The following HYAL4 variants were observed in gnomAD, a reference collection of about 807,000 sequenced individuals.
HYAL4 encodes hyaluronidase-4.
A neutral mutation model predicts 35.2 loss-of-function variants in HYAL4; 37 were observed. The observed-to-expected ratio is 1.05, with a 90% confidence interval of 0.81 to 1.38. HYAL4 has a LOEUF of 1.38. Among genes scored for constraint, HYAL4 ranks in the 40% most tolerant of loss-of-function variants. The pLI is 0.00. For synonymous variants in HYAL4, 198 were observed against 203.2 expected (o/e 0.97, Z 0.22); for missense variants, 572 against 572.4 (o/e 1.00, Z 0.01).
At chr7:123,822,652 A>G in the HYAL4 span, among the ~76,000 whole-genome samples, 67 of 152,326 alleles carry the variant, frequency 4.4e-4, no homozygotes, top group South Asian at 1.9e-3. Context: ...TTCTAGTACT[A>G]CGTTGAATAG....
In HYAL4 at chr7:123,868,992, A is replaced by G. The variant is rs1284321160; in HGVS notation, c.719A>G (p.Asp240Gly). ...APNYSGSCPE[D>G]EVLRNNELSW... ...AACTACTCTGGGTCATGCCCAGAAG[A>G]CGAAGTCTTGAGGAACAATGAGCTC... is the stretch of plus-strand genomic sequence containing the variant. Residue 240 changes from aspartate to glycine, a missense_variant, in exon 3 of 5, where the codon GAC (aspartate) becomes GGC (glycine). Coordinates refer to ENST00000223026, the MANE Select transcript of HYAL4 (RefSeq NM_012269.3). The G allele has an allele frequency of 6.2e-7, 1 of 1,613,862 alleles. No homozygotes were observed. The highest frequency in any genetic ancestry group is 2.2e-5 in the East Asian group (1 of 44,870).
At chr7:123,766,665 TTAAGTAA>T in the HYAL4 span, among the ~76,000 whole-genome samples, 1 of 152,198 alleles carries the variant, frequency 6.6e-6, no homozygotes, top group Non-Finnish European at 1.5e-5. Flanking sequence ...GATATTCTTC[TTAAGTAA>T]TAAAGGTTAA....
At chr7:123,823,069 A>G in the HYAL4 span, among the ~76,000 whole-genome samples, 4 of 152,220 alleles carry the variant, frequency 2.6e-5, no homozygotes, top group Non-Finnish European at 5.9e-5. Context: ...ATCATTGACT[A>G]TGATGTTAGC....
the HYAL4 span, among the ~76,000 whole-genome samples, chr7:123,796,891 G>A: frequency 6.6e-6 from 1 of 152,132 alleles, no homozygotes; most frequent in Non-Finnish European, 1.5e-5. Flanking sequence ...GTCCAAGATA[G>A]GCAAATCTAT....
At chr7:123,867,862 T>A (rs923011137) in intron 2 of HYAL4, among the ~76,000 whole-genome samples, 2 of 152,196 alleles carry the variant, frequency 1.3e-5, no homozygotes, top group African/African-American at 4.8e-5. Flanking sequence ...TTAAAAAAAA[T>A]ATTTACAAAG....
chr7:123,865,065 A>G (rs901044638), intron 2 of HYAL4, among the ~76,000 whole-genome samples: 1 of 152,100 alleles, frequency 6.6e-6, no homozygotes, highest in Admixed American at 6.5e-5. Flanking sequence ...GACACTGAGA[A>G]CAATAATAAC....
chr7:123,839,694 G>T lies in HYAL4; in HGVS notation c.-256-4551G>T, dbSNP rs142463953. ...TTGCCATTCTAACTGGTGTGAGATG[G>T]TATCTCATTGTAGTTGTGATTTGCA... On this transcript the variant is annotated intron_variant, in intron 1 of 4. Coordinates refer to the HYAL4 transcript ENST00000489978. 1.8e-3 allele frequency among the ~76,000 whole-genome samples: 271 copies of T among 152,266 alleles called. 7 individuals carry two copies. In the East Asian group the frequency reaches 0.044, roughly 25 times the overall value.
chr7:123,799,055 C>T, the HYAL4 span, among the ~76,000 whole-genome samples: 1 of 152,126 alleles, frequency 6.6e-6, no homozygotes, highest in Non-Finnish European at 1.5e-5. Context: ...AGGGGGCAAT[C>T]ATACAAGCAG....
At position 123,838,565 on chromosome 7, in the gene HYAL4, A is replaced by G. The variant is rs189432166; in HGVS notation, c.-256-5680A>G. ...ATGATGTCATAAACAGAAAAAAAAA[A>G]GATTCTTTCCTTCATCGTAACTTTA... On this transcript the variant is annotated intron_variant, in intron 1 of 4. Coordinates refer to the HYAL4 transcript ENST00000489978. Among the ~76,000 whole-genome samples the G allele has an allele frequency of 1.8e-3, 281 of 151,994 alleles. 1 individual carries two copies. Among genetic ancestry groups the G allele is most frequent in the Non-Finnish European group, 3.2e-3 (215 of 67,932 alleles).
chr7:123,860,455 A>G (rs1310102946), intron 2 of HYAL4, among the ~76,000 whole-genome samples: 4 of 152,178 alleles, frequency 2.6e-5, no homozygotes, highest in Admixed American at 1.3e-4. Flanking sequence ...GCAACAATCT[A>G]TACACACTTT....
At chr7:123,802,058 T>C in the HYAL4 span, among the ~76,000 whole-genome samples, 3 of 152,178 alleles carry the variant, frequency 2.0e-5, no homozygotes, top group African/African-American at 7.2e-5. Flanking sequence ...CTTTTCTGAT[T>C]GATGAGTGTG....
intron 1 of HYAL4, among the ~76,000 whole-genome samples, chr7:123,832,323 T>C (rs1805895881): frequency 6.6e-6 from 1 of 151,770 alleles, no homozygotes; most frequent in Admixed American, 6.6e-5. Flanking sequence ...GAACAGGTGG[T>C]ATTTGGTTAC....
chr7:123,782,464 A>G, the HYAL4 span, among the ~76,000 whole-genome samples: 1 of 152,156 alleles, frequency 6.6e-6, no homozygotes, highest in Non-Finnish European at 1.5e-5. Context: ...ACGGGTATTG[A>G]CATAAAATAG....
the HYAL4 span, among the ~76,000 whole-genome samples, chr7:123,771,997 C>T: frequency 6.6e-6 from 1 of 152,008 alleles, no homozygotes; most frequent in East Asian, 1.9e-4. Context: ...GACACATCAC[C>T]TTGTCTTCTC....
At chr7:123,860,687 T>C (rs988603038) in intron 2 of HYAL4, among the ~76,000 whole-genome samples, 7 of 152,298 alleles carry the variant, frequency 4.6e-5, no homozygotes, top group African/African-American at 1.7e-4. Context: ...TAGGAAGACA[T>C]TAATTTTGTC....
intron 1 of HYAL4, among the ~76,000 whole-genome samples, chr7:123,837,256 T>A (rs1262056934): frequency 6.6e-6 from 1 of 152,114 alleles, no homozygotes; most frequent in Non-Finnish European, 1.5e-5. Flanking sequence ...ACTTGTAAGG[T>A]TTCTGCTGGG....
At chr7:123,853,704 T>A (rs1439043494) in intron 2 of HYAL4, among the ~76,000 whole-genome samples, 1 of 152,216 alleles carries the variant, frequency 6.6e-6, no homozygotes, top group Non-Finnish European at 1.5e-5. Context: ...TTGTTGTGTC[T>A]CTGGCAGGTT....
At chr7:123,875,483 C>G (rs998031137) in intron 4 of HYAL4, among the ~76,000 whole-genome samples, 4 of 151,770 alleles carry the variant, frequency 2.6e-5, no homozygotes, top group Non-Finnish European at 4.4e-5. Flanking sequence ...ATGAAGAAAG[C>G]CAGTCTCTAC....
At chr7:123,806,676 T>A in the HYAL4 span, among the ~76,000 whole-genome samples, 1 of 151,772 alleles carries the variant, frequency 6.6e-6, no homozygotes, top group African/African-American at 2.4e-5. Flanking sequence ...GGTCTCAAAC[T>A]CCCAACCTCA....
Sources: gnomAD v4.1 joint callset for allele counts (sites outside exome capture counted in the v4.1 genomes callset) on GRCh38, gnomAD v4.1.1 for gene constraint, MANE v1.5 for transcripts, NCBI Gene and HGNC (gene_info 2026-07-23, HGNC 2026-07-21) for gene names.